Variants in CD200 observed in about 807,000 individuals in gnomAD.
CD200 encodes CD200 molecule, also known as OX-2 membrane glycoprotein.
Under a neutral mutation model 30.9 loss-of-function variants are expected in CD200, and 15 were observed. The observed-to-expected ratio is 0.49, with a 90% CI of 0.32 to 0.75. CD200 has a LOEUF of 0.75. Among genes scored for constraint, CD200 ranks in the 30% least tolerant of loss-of-function variants. The pLI is 0.03. For synonymous variants in CD200, 134 were observed against 126.2 expected (o/e 1.06, Z -0.41); for missense variants, 262 against 324.2 (o/e 0.81, Z 1.47).
rs565268102 is a variant in CD200, at chr3:112,342,428, T to C, written c.94+1445T>C. 2.7e-4 allele frequency among the ~76,000 whole-genome samples: 25 copies of C among 93,850 alleles called. 1 individual carries two copies. The highest frequency in any genetic ancestry group is 5.3e-4 in the Non-Finnish European group (24 of 44,950). The allele number at this position is 93,850 out of a possible 152,430, so 61.6% of individuals were successfully genotyped here. On this transcript the variant is annotated intron_variant, in intron 2 of 5. Coordinates refer to ENST00000315711, the MANE Select transcript of CD200 (RefSeq NM_005944.7). The stretch of plus-strand genomic sequence containing the variant: ...TTCTTTCTTTCTTTCTTTCTTTCTT[T>C]CTTCTCTCTCTTTCTATGAAATTTC...
intron 3 of CD200, 40 bp downstream of exon 3, chr3:112,345,328 C>T (rs1192164516): frequency 1.3e-6 from 2 of 1,508,774 alleles, no homozygotes; most frequent in Non-Finnish European, 1.8e-6. Flanking sequence ...TCTGGAAATA[C>T]TATTTGCAAG....
intron 5 of CD200, among the ~76,000 whole-genome samples, chr3:112,351,883 T>C (rs528673884): frequency 2.0e-5 from 3 of 152,248 alleles, no homozygotes; most frequent in East Asian, 1.9e-4. Flanking sequence ...AGAGATCAGA[T>C]GGCGAGACAG....
At chr3:112,346,600 C>T (rs931121340) in intron 3 of CD200, among the ~76,000 whole-genome samples, 7 of 152,136 alleles carry the variant, frequency 4.6e-5, no homozygotes, top group East Asian at 1.9e-4. Flanking sequence ...CTTCTTCCAG[C>T]GCTCACAGAC....
At chr3:112,361,027 T>TTGG (rs2081730622) in intron 5 of CD200, among the ~76,000 whole-genome samples, 1 of 152,094 alleles carries the variant, frequency 6.6e-6, no homozygotes, top group Non-Finnish European at 1.5e-5. Flanking sequence ...GTTTTTGTTT[T>TTGG]TGGTTGTTGT....
intron 5 of CD200, among the ~76,000 whole-genome samples, chr3:112,358,487 AG>A (rs112316409): frequency 0.22 from 33,575 of 152,176 alleles, 3,927 homozygotes; most frequent in Non-Finnish European, 0.26. Context: ...CTGCTAGTGC[AG>A]TTGTATCTCT....
At chr3:112,340,796 G>A in intron 1 of CD200, 106 bp from the exon 2 acceptor site, 2 of 737,098 alleles carry the variant, frequency 2.7e-6, no homozygotes, top group Non-Finnish European at 4.6e-6. Context: ...TCTCTGGGGG[G>A]TAAAAACTTA....
At chr3:112,358,657 C>G (rs545184736) in intron 5 of CD200, among the ~76,000 whole-genome samples, 27 of 152,158 alleles carry the variant, frequency 1.8e-4, no homozygotes, top group Admixed American at 3.3e-4. Flanking sequence ...TGCCGCATGT[C>G]AGGAAGAGCG....
chr3:112,338,120 G>C (rs1180702469), intron 1 of CD200, among the ~76,000 whole-genome samples: 1 of 152,126 alleles, frequency 6.6e-6, no homozygotes, highest in Non-Finnish European at 1.5e-5. Context: ...AGTTCCAATA[G>C]AAGACAAGAC....
chr3:112,333,088 G>T, upstream of CD200: 1 of 1,422,042 alleles, frequency 7.0e-7, no homozygotes. Context: ...GGGAGAAGGG[G>T]GCTAGCGAGG....
intron 2 of CD200, among the ~76,000 whole-genome samples, chr3:112,343,046 T>C (rs1349478256): frequency 6.6e-6 from 1 of 152,050 alleles, no homozygotes; most frequent in African/African-American, 2.4e-5. Flanking sequence ...GTTATTGGGT[T>C]TGTAAAGTTT....
In CD200 at chr3:112,345,115, G is replaced by A; in HGVS notation, c.248G>A (p.Gly83Glu). ...ENMVTFSENH[G>E]VVIQPAYKDK... is the part of the protein sequence containing the mutation. ...ATGGTCACCTTCAGCGAGAACCATG[G>A]GGTGGTGATCCAGCCTGCCTATAAG... The change falls in exon 3 of 6, where the codon GGG (glycine) becomes GAG (glutamate). Residue 83 changes from glycine (G) to glutamate (E), a missense_variant. Physicochemically the swap from Gly to Glu is moderately conservative, Grantham distance 98. Coordinates refer to ENST00000315711, the MANE Select transcript of CD200 (RefSeq NM_005944.7). 1.2e-6 allele frequency: 2 copies of A among 1,614,042 alleles called. No homozygotes were observed. The highest frequency in any genetic ancestry group is 1.7e-6 in the Non-Finnish European group (2 of 1,179,976).
chr3:112,343,501 C>A (rs1320117121), intron 2 of CD200, among the ~76,000 whole-genome samples: 1 of 152,074 alleles, frequency 6.6e-6, no homozygotes, highest in African/African-American at 2.4e-5. Context: ...ATAAGGGTCT[C>A]ATCTCTTGCC....
At chr3:112,336,227 T>A (rs1318716973) in intron 1 of CD200, among the ~76,000 whole-genome samples, 1 of 152,084 alleles carries the variant, frequency 6.6e-6, no homozygotes, top group Non-Finnish European at 1.5e-5. Context: ...GAATTAAAAT[T>A]AACAAATCCA....
At chr3:112,337,510 G>A (rs200924949) in intron 1 of CD200, among the ~76,000 whole-genome samples, 2 of 152,176 alleles carry the variant, frequency 1.3e-5, no homozygotes, top group East Asian at 3.8e-4. Context: ...TTGCAAGAAT[G>A]AAAACAGGCT....
intron 4 of CD200, 99 bp downstream of exon 4, chr3:112,347,929 C>G: frequency 9.4e-7 from 1 of 1,066,596 alleles, no homozygotes; most frequent in Non-Finnish European, 1.3e-6. Context: ...TTAGCATAAT[C>G]TATTTGGAGA....
upstream of CD200, chr3:112,332,785 A>G (rs979223463): frequency 1.2e-5 from 2 of 162,976 alleles, no homozygotes; most frequent in African/African-American, 4.8e-5. Context: ...TTTAAAAAAA[A>G]AAAAAAGTCC....
At chr3:112,357,380 T>A (rs915377857) in intron 5 of CD200, among the ~76,000 whole-genome samples, 33 of 152,114 alleles carry the variant, frequency 2.2e-4, no homozygotes, top group African/African-American at 7.7e-4. Flanking sequence ...TGTCGCCAAC[T>A]TCCGTGAAGT....
intron 1 of CD200, among the ~76,000 whole-genome samples, chr3:112,337,925 T>C (rs2081155283): frequency 6.6e-6 from 1 of 152,216 alleles, no homozygotes; most frequent in African/African-American, 2.4e-5. Context: ...TTATTTATAA[T>C]TTTAATACAA....
intron 5 of CD200, among the ~76,000 whole-genome samples, chr3:112,361,295 C>T (rs2895396): frequency 0.24 from 36,354 of 151,966 alleles, 5,116 homozygotes; most frequent in East Asian, 0.54. Flanking sequence ...ATCCTCCCGC[C>T]TCGGCCTCCT....
Sources: gnomAD v4.1 joint callset for allele counts (sites outside exome capture counted in the v4.1 genomes callset) on GRCh38, gnomAD v4.1.1 for gene constraint, MANE v1.5 for transcripts, NCBI Gene and HGNC (gene_info 2026-07-23, HGNC 2026-07-21) for gene names.